BTBD9: variants seen among roughly 807,000 people sequenced by gnomAD.
BTBD9 encodes the protein BTB/POZ domain-containing protein 9.
Under a neutral mutation model 64.3 loss-of-function variants are expected in BTBD9, and 49 were observed. That is an observed-to-expected ratio of 0.76 (90% confidence interval 0.61 to 0.97). BTBD9 has a LOEUF of 0.97. Among genes scored for constraint, BTBD9 ranks in the 50% least tolerant of loss-of-function variants. BTBD9 has a pLI of 0.00. For synonymous variants in BTBD9, 260 were observed against 274.7 expected, an observed-to-expected ratio of 0.95 and a Z score of 0.53; for missense variants, 598 against 762.1, an observed-to-expected ratio of 0.78 and a Z score of 2.53.
At chr6:38,636,130 T>C (rs1275265530) in intron 1 of BTBD9, among the ~76,000 whole-genome samples, 2 of 152,314 alleles carry the variant, frequency 1.3e-5, no homozygotes, top group East Asian at 3.9e-4. Flanking sequence ...ACATGTATAA[T>C]CTCCACAATT....
chr6:38,615,299 C>T (rs1312282407), intron 1 of BTBD9, among the ~76,000 whole-genome samples: 2 of 152,224 alleles, frequency 1.3e-5, no homozygotes, highest in Non-Finnish European at 2.9e-5. Context: ...TCCACCCTTA[C>T]ATGCCATTTC....
chr6:38,449,341 G>C (rs1389213487), intron 6 of BTBD9, among the ~76,000 whole-genome samples: 1 of 152,150 alleles, frequency 6.6e-6, no homozygotes, highest in Non-Finnish European at 1.5e-5. Flanking sequence ...AACAAAGCTG[G>C]AGGCATCACA....
At chr6:38,596,439 T>G (rs980361963) in intron 2 of BTBD9, among the ~76,000 whole-genome samples, 3 of 152,160 alleles carry the variant, frequency 2.0e-5, no homozygotes, top group Non-Finnish European at 4.4e-5. Context: ...AAATTATTTT[T>G]GAAAGAGGAC....
At chr6:38,583,534 G>A (rs1476380918) in intron 4 of BTBD9, among the ~76,000 whole-genome samples, 1 of 152,074 alleles carries the variant, frequency 6.6e-6, no homozygotes, top group African/African-American at 2.4e-5. Context: ...GCCAAAGACG[G>A]GAACATCAAG....
At chr6:38,290,157 G>A (rs1451534383) in intron 7 of BTBD9, among the ~76,000 whole-genome samples, 4 of 150,274 alleles carry the variant, frequency 2.7e-5, no homozygotes, top group South Asian at 2.2e-4. Context: ...CCACAGAGAA[G>A]AAAGGAAGGG....
At chr6:38,459,860 C>T (rs1331939423) in intron 6 of BTBD9, among the ~76,000 whole-genome samples, 5 of 152,126 alleles carry the variant, frequency 3.3e-5, no homozygotes, top group Non-Finnish European at 7.4e-5. Flanking sequence ...CAATATGTAG[C>T]CTTTGATTTT....
intron 8 of BTBD9, 69 bp from the exon 9 acceptor site, chr6:38,256,585 T>C (rs1001704968): frequency 9.2e-7 from 1 of 1,091,752 alleles, no homozygotes; most frequent in African/African-American, 1.5e-5. Context: ...GTTGTGGGCA[T>C]ATCCCTCCCA....
At chr6:38,288,489 T>G in intron 7 of BTBD9, 28 bp from the exon 8 acceptor site, 1 of 1,609,956 alleles carries the variant, frequency 6.2e-7, no homozygotes, top group South Asian at 1.1e-5. Flanking sequence ...AGATTTGGCA[T>G]CAGGATAAGA....
intron 1 of BTBD9, among the ~76,000 whole-genome samples, chr6:38,620,133 A>C (rs1777934492): frequency 6.6e-6 from 1 of 152,208 alleles, no homozygotes; most frequent in Admixed American, 6.5e-5. Flanking sequence ...TTAAAAGTTC[A>C]AGGGTTAGTA....
chr6:38,592,848 G>A lies in BTBD9; in HGVS notation c.550-8C>T. 1 of 1,612,342 alleles carries A rather than the reference G, an allele frequency of 6.2e-7. No homozygotes were observed. Among genetic ancestry groups the A allele is most frequent in the Non-Finnish European group, 8.5e-7 (1 of 1,178,784 alleles). On this transcript the variant is annotated splice_region_variant and splice_polypyrimidine_tract_variant and intron_variant, in intron 3 of 10. Transcript: ENST00000481247. ...GATGTTTAAAAGTGCTGTCTGAAAAGGATAAAAAGGTAAAATTCCAGTTAT... is the reference window on the plus strand; with the variant it reads ...GATGTTTAAAAGTGCTGTCTGAAAAAGATAAAAAGGTAAAATTCCAGTTAT...
intron 9 of BTBD9, among the ~76,000 whole-genome samples, chr6:38,231,485 A>AT (rs1344676505): frequency 6.6e-6 from 1 of 152,202 alleles, no homozygotes; most frequent in African/African-American, 2.4e-5. Context: ...TAACTCCTTC[A>AT]TTTATATATA....
chr6:38,328,168 G>A (rs143772559), intron 7 of BTBD9, among the ~76,000 whole-genome samples: 2 of 152,008 alleles, frequency 1.3e-5, no homozygotes, highest in East Asian at 3.9e-4. Context: ...ATAATCTCTG[G>A]TAATCCCATA....
intron 6 of BTBD9, among the ~76,000 whole-genome samples, chr6:38,366,428 C>T (rs115174395): frequency 4.3e-4 from 65 of 152,252 alleles, no homozygotes; most frequent in Admixed American, 1.5e-3. Context: ...CCCAGCACTG[C>T]GGGTCCCAGT....
In BTBD9 at chr6:38,264,099, G is replaced by A. The variant is rs77351793; in HGVS notation, c.1455-7583C>T. Among the ~76,000 whole-genome samples, 1,061 of 152,276 alleles carry A rather than the reference G, an allele frequency of 7.0e-3. 8 individuals carry two copies. The highest frequency in any genetic ancestry group is 0.023 in the African/African-American group (960 of 41,552). ...GGAGAGCGGTAAGACTGTGGTGTAC[G>A]GTGGCAAGGCAAAACAGGCTTTGGA... is the stretch of plus-strand genomic sequence containing the variant. On this transcript the variant is annotated intron_variant, in intron 8 of 10. Coordinates refer to ENST00000481247, the MANE Select transcript of BTBD9 (RefSeq NM_001099272.2).
intron 7 of BTBD9, among the ~76,000 whole-genome samples, chr6:38,323,660 T>A (rs577251732): frequency 6.6e-6 from 1 of 152,356 alleles, no homozygotes; most frequent in South Asian, 2.1e-4. Context: ...CATTTTGTAC[T>A]TATAGTAGGT....
At position 38,256,560 on chromosome 6, in the gene BTBD9, T is replaced by C. The variant is rs907437874; in HGVS notation, c.1455-44A>G. 4 of 1,422,498 alleles carry C rather than the reference T, an allele frequency of 2.8e-6. No homozygotes were observed. In the African/African-American group the frequency reaches 5.6e-5, roughly 20 times the overall value. 88.1% of individuals were successfully genotyped at this position (1,422,498 alleles called of 1,614,324 possible). Reference sequence around the variant, plus strand: ...ATAAGATTGCTGTAAATGTTTTAACTGGTTGTTTCTTTAGGTTGTGGGCAT... The same window carrying C: ...ATAAGATTGCTGTAAATGTTTTAACCGGTTGTTTCTTTAGGTTGTGGGCAT... On this transcript the variant is annotated intron_variant, in intron 8 of 10. Transcript: ENST00000481247.
intron 6 of BTBD9, among the ~76,000 whole-genome samples, chr6:38,557,811 G>T (rs1775096853): frequency 6.6e-6 from 1 of 152,218 alleles, no homozygotes; most frequent in Non-Finnish European, 1.5e-5. Flanking sequence ...AGATATGAGA[G>T]TAGCTTCTTT....
intron 6 of BTBD9, among the ~76,000 whole-genome samples, chr6:38,507,475 C>T (rs1448222842): frequency 6.6e-6 from 1 of 152,190 alleles, no homozygotes; most frequent in Non-Finnish European, 1.5e-5. Flanking sequence ...TATTTTACTT[C>T]ACACTCTTCA....
intron 8 of BTBD9, among the ~76,000 whole-genome samples, chr6:38,266,600 AGAAAG>A (rs200377610): frequency 3.0e-4 from 39 of 130,548 alleles, no homozygotes; most frequent in Admixed American, 1.0e-3. Flanking sequence ...AAGAAAGGAA[AGAAAG>A]GAAAGAAAGA....
Sources: gnomAD v4.1 joint callset for allele counts (sites outside exome capture counted in the v4.1 genomes callset) on GRCh38, gnomAD v4.1.1 for gene constraint, MANE v1.5 for transcripts, NCBI Gene and HGNC (gene_info 2026-07-23, HGNC 2026-07-21) for gene names.